STIM1: variants seen among roughly 807,000 people sequenced by gnomAD.
STIM1 encodes stromal interaction molecule 1.
Under a neutral mutation model 74.7 loss-of-function variants are expected in STIM1, and 25 were observed. The ratio of observed to expected loss-of-function variants is 0.33; its 90% CI spans 0.24 to 0.47. The LOEUF (loss-of-function observed/expected upper bound fraction) is 0.47, where lower values mean the gene tolerates loss of function less well. STIM1 is among the 20% of genes least tolerant of loss of function. The pLI, the probability that STIM1 is intolerant of heterozygous loss-of-function variation, is 1.00. For missense variants in STIM1, 728 were observed against 920.8 expected (o/e 0.79, Z 2.71); for synonymous variants, 328 against 348.8 (o/e 0.94, Z 0.66).
intron 1 of STIM1, among the ~76,000 whole-genome samples, chr11:3,896,795 T>C (rs929129658): frequency 6.6e-6 from 1 of 152,186 alleles, no homozygotes; most frequent in African/African-American, 2.4e-5. Context: ...CTGGGTCTCA[T>C]CACTATAGTA....
At chr11:4,024,041 G>A (rs2093979473) in intron 3 of STIM1, 54 bp downstream of exon 3, 5 of 1,486,780 alleles carry the variant, frequency 3.4e-6, no homozygotes, top group African/African-American at 1.4e-5. Context: ...AGAGAAGAGA[G>A]AAGCAGCAAC....
chr11:4,008,128 A>G (rs2135944988), intron 2 of STIM1, among the ~76,000 whole-genome samples: 1 of 152,294 alleles, frequency 6.6e-6, no homozygotes, highest in African/African-American at 2.4e-5. Context: ...AGATTATAAT[A>G]TATTTTACTA....
At chr11:4,081,514 G>C (rs1275192487) in intron 7 of STIM1, among the ~76,000 whole-genome samples, 2 of 152,154 alleles carry the variant, frequency 1.3e-5, no homozygotes, top group Non-Finnish European at 2.9e-5. Flanking sequence ...GCAGTCTCTG[G>C]GCTAGAGAAG....
At chr11:3,855,508 G>A (rs2090327866), upstream of STIM1, 1 of 151,960 alleles carries the variant, frequency 6.6e-6, no homozygotes, top group African/African-American at 2.4e-5. Context: ...CGCTAGGGGC[G>A]GGGATTCCGG....
At chr11:4,060,732 G>A (rs185906856) in intron 5 of STIM1, among the ~76,000 whole-genome samples, 3 of 152,170 alleles carry the variant, frequency 2.0e-5, no homozygotes, top group Middle Eastern at 3.2e-3. Context: ...CTGCTCTCCA[G>A]TACTTCTATC....
chr11:3,947,458 G>A (rs1223955984), intron 1 of STIM1: 2 of 152,152 alleles, frequency 1.3e-5, no homozygotes, highest in South Asian at 2.1e-4. Flanking sequence ...AAGTTTTAAC[G>A]AGGGAGGCTT....
intron 1 of STIM1, among the ~76,000 whole-genome samples, chr11:3,902,134 G>T (rs1270623904): frequency 6.6e-6 from 1 of 152,180 alleles, no homozygotes; most frequent in Non-Finnish European, 1.5e-5. Context: ...ACCAGACACT[G>T]CCTCATGGAA....
intron 1 of STIM1, among the ~76,000 whole-genome samples, chr11:3,957,278 A>G (rs1272991251): frequency 3.3e-5 from 5 of 151,942 alleles, no homozygotes; most frequent in African/African-American, 1.2e-4. Flanking sequence ...TATTTTTGAG[A>G]CAGATTCTTG....
chr11:3,859,688 T>C (rs1205524373), intron 1 of STIM1, among the ~76,000 whole-genome samples: 1 of 152,224 alleles, frequency 6.6e-6, no homozygotes, highest in Admixed American at 6.5e-5. Flanking sequence ...CTCCCCCAGC[T>C]AGTTGCTGCT....
In STIM1 at chr11:3,967,634, G is replaced by T; in HGVS notation, c.222G>T (p.Leu74=). 1 of 1,614,246 alleles carries T rather than the reference G, an allele frequency of 6.2e-7. No homozygotes were observed. Among genetic ancestry groups the T allele is most frequent in the Non-Finnish European group, 8.5e-7 (1 of 1,180,040 alleles). ...AGGCAGTCCGTAACATCCACAAACT[G>T]ATGGACGATGATGCCAATGGTGATG... ...SFEAVRNIHK[L]MDDDANGDVD... Residue 74 remains leucine, a synonymous_variant, in exon 2 of 13, where the codon CTG becomes CTT. Coordinates refer to ENST00000526596, the MANE Select transcript of STIM1 (RefSeq NM_001382567.1).
At chr11:3,946,475 A>G (rs770978032) in intron 1 of STIM1, among the ~76,000 whole-genome samples, 2 of 152,132 alleles carry the variant, frequency 1.3e-5, no homozygotes, top group South Asian at 2.1e-4. Context: ...TTGGCCTAGG[A>G]CAAAGAAAGT....
intron 2 of STIM1, among the ~76,000 whole-genome samples, chr11:3,996,126 C>T (rs907911221): frequency 1.3e-5 from 2 of 152,096 alleles, no homozygotes; most frequent in Non-Finnish European, 2.9e-5. Context: ...GGTCATTTCC[C>T]CTGGGAAGAG....
chr11:3,871,065 G>T (rs2091074574), intron 1 of STIM1, among the ~76,000 whole-genome samples: 2 of 151,716 alleles, frequency 1.3e-5, no homozygotes, highest in African/African-American at 4.8e-5. Flanking sequence ...TAGAGACGGG[G>T]TTTCACCATG....
intron 3 of STIM1, among the ~76,000 whole-genome samples, chr11:4,053,671 G>A (rs1354872833): frequency 1.3e-5 from 2 of 151,828 alleles, no homozygotes; most frequent in African/African-American, 4.8e-5. Context: ...CATGGCACAT[G>A]TATAGATATG....
At chr11:3,897,415 C>A (rs1308523346) in intron 1 of STIM1, among the ~76,000 whole-genome samples, 1 of 152,174 alleles carries the variant, frequency 6.6e-6, no homozygotes. Flanking sequence ...GTATTCTCTA[C>A]TACTTTTGGG....
intron 2 of STIM1, among the ~76,000 whole-genome samples, chr11:3,992,867 A>G (rs2093628612): frequency 6.6e-6 from 1 of 152,230 alleles, no homozygotes; most frequent in Non-Finnish European, 1.5e-5. Flanking sequence ...TTGCCTGGGC[A>G]AAAAATATTC....
intron 7 of STIM1, among the ~76,000 whole-genome samples, chr11:4,080,222 G>A (rs1198474692): frequency 2.0e-5 from 3 of 152,052 alleles, no homozygotes; most frequent in Non-Finnish European, 2.9e-5. Context: ...CTCCAGCCTG[G>A]GCGACACAAT....
intron 1 of STIM1, among the ~76,000 whole-genome samples, chr11:3,958,777 C>T (rs982432269): frequency 3.0e-4 from 45 of 152,174 alleles, no homozygotes; most frequent in Admixed American, 2.9e-3. Context: ...TGAGACCAGC[C>T]TGGCCAACAT....
At chr11:4,010,893 G>A (rs1298055028) in intron 2 of STIM1, among the ~76,000 whole-genome samples, 3 of 151,822 alleles carry the variant, frequency 2.0e-5, no homozygotes, top group East Asian at 3.9e-4. Flanking sequence ...AACAGGCCCT[G>A]GTGTATGATA....
Sources: allele counts gnomAD v4.1 joint callset (sites outside exome capture counted in the v4.1 genomes callset), GRCh38; gene constraint gnomAD v4.1.1; transcripts MANE v1.5; gene names NCBI Gene and HGNC (gene_info 2026-07-23, HGNC 2026-07-21).